AKAP13: variants seen among roughly 807,000 people sequenced by gnomAD.
AKAP13 encodes the protein A-kinase anchoring protein 13.
A neutral mutation model predicts 264.5 loss-of-function variants in AKAP13; 80 were observed. The observed-to-expected ratio is 0.30, with a 90% CI of 0.25 to 0.36. The LOEUF is 0.36. Ranked by LOEUF, AKAP13 falls within the 10% of genes least tolerant of loss-of-function variation. The probability of loss-of-function intolerance (pLI) is 1.00; values close to 1 mark genes in which losing one functional copy is unlikely to be tolerated. For synonymous variants in AKAP13, 1,380 were observed against 1,250.2 expected (o/e 1.10, Z -2.19); for missense variants, 3,712 against 3,435.2 (o/e 1.08, Z -2.01).
chr15:85,439,946 T>G (rs2073554239), intron 1 of AKAP13, among the ~76,000 whole-genome samples: 1 of 150,032 alleles, frequency 6.7e-6, no homozygotes, highest in Admixed American at 6.6e-5. Flanking sequence ...AATATGCACA[T>G]GTACCCTAAA....
intron 1 of AKAP13, among the ~76,000 whole-genome samples, chr15:85,427,107 C>T (rs911347880): frequency 6.6e-6 from 1 of 151,934 alleles, no homozygotes; most frequent in Non-Finnish European, 1.5e-5. Flanking sequence ...AGGCGCCCAC[C>T]ACCACGCCCG....
intron 3 of AKAP13, among the ~76,000 whole-genome samples, chr15:85,528,446 C>T (rs1035608651): frequency 2.4e-4 from 36 of 152,268 alleles, no homozygotes; most frequent in African/African-American, 7.5e-4. Flanking sequence ...TAAACAGAAG[C>T]ATTTTAATAG....
chr15:85,573,018 C>T (rs1454607481), intron 5 of AKAP13, among the ~76,000 whole-genome samples: 1 of 152,178 alleles, frequency 6.6e-6, no homozygotes, highest in Non-Finnish European at 1.5e-5. Context: ...TTTATGGCTG[C>T]TACTGTAGCA....
intron 5 of AKAP13, among the ~76,000 whole-genome samples, chr15:85,549,234 T>C (rs754968827): frequency 5.9e-5 from 9 of 152,228 alleles, no homozygotes; most frequent in African/African-American, 2.2e-4. Context: ...GGCCCTTTGA[T>C]ACATGCTGTG....
In AKAP13 at chr15:85,724,517, CGTGAG is replaced by C. The variant is rs781743982; in HGVS notation, c.6745+1198_6745+1202del. On this transcript the variant is annotated intron_variant, in intron 26 of 36. Transcript: ENST00000394518. The surrounding 1 kb of genome is among the most constrained non-coding windows in gnomAD (Gnocchi z 4.2). ...GAAGAGTGGACACCCGGGACTCTCA[CGTGAG>C]AGAGCAGAGTGAATGACAGGGGAGT... 2.0e-5 allele frequency among the ~76,000 whole-genome samples: 3 copies of C among 151,480 alleles called. No individual in the cohort carries two copies. The highest frequency in any genetic ancestry group is 2.9e-5 in the Non-Finnish European group (2 of 67,912).
intron 33 of AKAP13, 71 bp downstream of exon 33, chr15:85,736,205 T>G: frequency 1.5e-6 from 2 of 1,363,186 alleles, no homozygotes; most frequent in Non-Finnish European, 2.0e-6. Flanking sequence ...TATTGTTTTT[T>G]CCTTTTTTTT....
chr15:85,703,733 C>T (rs1320060768), intron 17 of AKAP13, among the ~76,000 whole-genome samples: 2 of 151,932 alleles, frequency 1.3e-5, no homozygotes, highest in Non-Finnish European at 2.9e-5. Flanking sequence ...ATCCCAGCTA[C>T]TCAGGAGGCT....
chr15:85,533,779 C>A lies in AKAP13; in HGVS notation c.377C>A (p.Ser126Tyr). The change falls in exon 4 of 37, where the codon TCT (serine) becomes TAT (tyrosine). Residue 126 changes from serine (S) to tyrosine (Y), a missense_variant. Ser to Tyr is a moderately radical substitution (Grantham distance 144, BLOSUM62 -2). Transcript: ENST00000394518. ...TRFLDQSGPP[S>Y]GDVNSLDKKL... is the part of the protein sequence containing the mutation. ...TTTCTTGACCAGTCAGGACCCCCAT[C>A]TGGGGATGTGAATTCCCTTGATAAG... 1 of 1,613,900 alleles carries A rather than the reference C, an allele frequency of 6.2e-7. No homozygotes were observed. The highest frequency in any genetic ancestry group is 1.3e-5 in the African/African-American group (1 of 75,054).
At chr15:85,464,688 G>A (rs529182811) in intron 1 of AKAP13, among the ~76,000 whole-genome samples, 3 of 152,270 alleles carry the variant, frequency 2.0e-5, no homozygotes, top group Admixed American at 1.3e-4. Flanking sequence ...TATATAACTC[G>A]GAAGCAGTGT....
At chr15:85,692,536 G>A (rs1009147934) in intron 16 of AKAP13, among the ~76,000 whole-genome samples, 5 of 152,050 alleles carry the variant, frequency 3.3e-5, no homozygotes, top group Non-Finnish European at 5.9e-5. Context: ...GGTAGTAGTG[G>A]TAGTAGTACC....
chr15:85,726,048 C>T (rs1056084682), intron 26 of AKAP13: 1 of 169,906 alleles, frequency 5.9e-6, no homozygotes, highest in African/African-American at 2.4e-5. Context: ...GAGTATCCTG[C>T]TATGTGTTGC....
chr15:85,518,499 G>A (rs923948551), intron 2 of AKAP13, among the ~76,000 whole-genome samples: 3 of 152,170 alleles, frequency 2.0e-5, no homozygotes, highest in Non-Finnish European at 4.4e-5. Context: ...ATAAGGTAGT[G>A]TGACTTAATA....
intron 2 of AKAP13, among the ~76,000 whole-genome samples, chr15:85,488,537 G>T (rs1416488689): frequency 1.3e-5 from 2 of 152,166 alleles, no homozygotes; most frequent in Admixed American, 6.5e-5. Flanking sequence ...ATGGCAAAAA[G>T]AACTTTTCAT....
rs758924080 is a variant in AKAP13, at chr15:85,575,374, G to C, written c.861+45G>C. ...TTTTTAAGTATATGCATGTGTATGT[G>C]TGTGTTTTGTATGTGTGTGTCCCCG... On this transcript the variant is annotated intron_variant, in intron 6 of 36. Coordinates refer to ENST00000394518, the MANE Select transcript of AKAP13 (RefSeq NM_007200.5). The C allele has an allele frequency of 2.6e-6, 4 of 1,560,812 alleles. No individual in the cohort carries two copies. In the African/African-American group the frequency reaches 5.4e-5, roughly 21 times the overall value.
chr15:85,487,438 A>G (rs2075588994), intron 2 of AKAP13, among the ~76,000 whole-genome samples: 1 of 152,170 alleles, frequency 6.6e-6, no homozygotes, highest in African/African-American at 2.4e-5. Context: ...ATTCCCTTCT[A>G]TTCCTAGTTT....
chr15:85,543,488 T>C (rs1005358108), intron 4 of AKAP13, among the ~76,000 whole-genome samples: 6 of 152,198 alleles, frequency 3.9e-5, no homozygotes, highest in Non-Finnish European at 7.3e-5. Context: ...AAACACTGTG[T>C]ATTAAGTCAG....
intron 3 of AKAP13, among the ~76,000 whole-genome samples, chr15:85,525,592 A>G (rs2077008920): frequency 1.3e-5 from 2 of 152,240 alleles, no homozygotes. Flanking sequence ...TTGAGATGGA[A>G]GTATACTTCT....
At chr15:85,633,745 T>A (rs1255426164) in intron 8 of AKAP13, among the ~76,000 whole-genome samples, 1 of 151,678 alleles carries the variant, frequency 6.6e-6, no homozygotes, top group African/African-American at 2.4e-5. Context: ...GGGGTTTCAC[T>A]GTGTTAGCCA....
chr15:85,472,298 G>A (rs1032703825), intron 1 of AKAP13, among the ~76,000 whole-genome samples: 1 of 150,962 alleles, frequency 6.6e-6, no homozygotes, highest in Non-Finnish European at 1.5e-5. Context: ...CTTGAGCCCA[G>A]GAGTTGGAGT....
Sources: allele counts gnomAD v4.1 joint callset (sites outside exome capture counted in the v4.1 genomes callset), GRCh38; gene constraint gnomAD v4.1.1; non-coding constraint Gnocchi (gnomAD v3.1); transcripts MANE v1.5; gene names NCBI Gene and HGNC (gene_info 2026-07-23, HGNC 2026-07-21).